MARCHF3: variants seen among roughly 807,000 people sequenced by gnomAD.
MARCHF3 encodes the protein E3 ubiquitin-protein ligase MARCHF3.
In MARCHF3, 13 loss-of-function variants were observed where a neutral mutation model predicts 24.2. The observed-to-expected ratio is 0.54, with a 90% CI of 0.35 to 0.85. The LOEUF (loss-of-function observed/expected upper bound fraction) is 0.85, where lower values mean the gene tolerates loss of function less well. Ranked by LOEUF, MARCHF3 falls within the 40% of genes least tolerant of loss-of-function variation. The probability of loss-of-function intolerance (pLI) is 0.01; values close to 1 mark genes in which losing one functional copy is unlikely to be tolerated. For synonymous variants in MARCHF3, 144 were observed against 137.3 expected (o/e 1.05, Z -0.34); for missense variants, 276 against 325.0 (o/e 0.85, Z 1.16).
At chr5:126,873,156 G>A (rs975135759) in intron 4 of MARCHF3, among the ~76,000 whole-genome samples, 13 of 152,106 alleles carry the variant, frequency 8.5e-5, no homozygotes, top group African/African-American at 2.7e-4. Flanking sequence ...CGCAGGCTCC[G>A]GAGCCAGGCA....
intron 3 of MARCHF3, among the ~76,000 whole-genome samples, chr5:126,892,782 A>G (rs1227207743): frequency 1.4e-5 from 2 of 143,864 alleles, no homozygotes; most frequent in Non-Finnish European, 2.9e-5. Flanking sequence ...TGGCTTTCGT[A>G]TCAGAATGAT....
chr5:127,016,238 A>G (rs1474127414), intron 1 of MARCHF3, among the ~76,000 whole-genome samples: 1 of 152,194 alleles, frequency 6.6e-6, no homozygotes, highest in Non-Finnish European at 1.5e-5. Flanking sequence ...CCCTGCAGAC[A>G]AGGGTGAACT....
intron 1 of MARCHF3, among the ~76,000 whole-genome samples, chr5:127,012,367 A>G (rs1752499578): frequency 6.6e-6 from 1 of 152,226 alleles, no homozygotes; most frequent in Non-Finnish European, 1.5e-5. Flanking sequence ...TGAAAATGCC[A>G]CATTATGTCA....
At chr5:126,941,774 T>C (rs776424920) in intron 1 of MARCHF3, among the ~76,000 whole-genome samples, 14 of 152,226 alleles carry the variant, frequency 9.2e-5, no homozygotes, top group African/African-American at 2.9e-4. Flanking sequence ...CCTGACCCCA[T>C]TGCCACTGTT....
intron 1 of MARCHF3, among the ~76,000 whole-genome samples, chr5:126,921,609 T>G (rs762637816): frequency 1.4e-4 from 21 of 152,250 alleles, no homozygotes; most frequent in Middle Eastern, 3.2e-3. Flanking sequence ...TATTGAGCTT[T>G]CTGCAAAATT....
At chr5:126,897,629 G>C (rs1256643345) in intron 3 of MARCHF3, among the ~76,000 whole-genome samples, 2 of 152,000 alleles carry the variant, frequency 1.3e-5, no homozygotes, top group African/African-American at 4.8e-5. Flanking sequence ...CATAAAAGAA[G>C]AAAGTAAAAG....
intron 1 of MARCHF3, among the ~76,000 whole-genome samples, chr5:126,934,729 A>G (rs1419264601): frequency 6.6e-6 from 1 of 152,240 alleles, no homozygotes; most frequent in East Asian, 1.9e-4. Context: ...GGAAGAAAGA[A>G]AAAGAAAAAA....
intron 3 of MARCHF3, chr5:126,898,852 TGA>T (rs1754013191): frequency 1.0e-6 from 1 of 984,310 alleles, no homozygotes; most frequent in African/African-American, 1.8e-5. Context: ...GAAGCAATGA[TGA>T]AATAATGAGT....
At chr5:126,899,940 C>T (rs1489128729) in intron 3 of MARCHF3, among the ~76,000 whole-genome samples, 1 of 152,106 alleles carries the variant, frequency 6.6e-6, no homozygotes, top group Admixed American at 6.6e-5. Context: ...AAGCTCATGC[C>T]TTACATTAGA....
At chr5:127,003,857 C>T (rs1176920713) in intron 1 of MARCHF3, among the ~76,000 whole-genome samples, 1 of 152,224 alleles carries the variant, frequency 6.6e-6, no homozygotes, top group Non-Finnish European at 1.5e-5. Flanking sequence ...CACATTTGCA[C>T]ACACATGTGC....
intron 3 of MARCHF3, 56 bp from the exon 4 acceptor site, chr5:126,878,450 G>C: frequency 6.6e-7 from 1 of 1,515,628 alleles, no homozygotes; most frequent in Non-Finnish European, 9.0e-7. Context: ...TGCCAGTGTG[G>C]AGTGGAGACA....
chr5:126,876,943 CCCAG>C, intron 4 of MARCHF3, among the ~76,000 whole-genome samples: 2 of 152,306 alleles, frequency 1.3e-5, no homozygotes, highest in Middle Eastern at 6.8e-3. Flanking sequence ...AGCCACCGCG[CCCAG>C]CTGGAAGCGT....
At chr5:126,982,882 G>T (rs546023036) in intron 1 of MARCHF3, among the ~76,000 whole-genome samples, 4 of 152,338 alleles carry the variant, frequency 2.6e-5, no homozygotes, top group African/African-American at 4.8e-5. Context: ...TAATGTGGTT[G>T]TCTCCCACAA....
intron 1 of MARCHF3, among the ~76,000 whole-genome samples, chr5:127,018,805 T>A (rs1752706805): frequency 6.6e-6 from 1 of 152,198 alleles, no homozygotes; most frequent in Non-Finnish European, 1.5e-5. Context: ...GAGAGCAAGA[T>A]GAACCTGAGT....
intron 1 of MARCHF3, among the ~76,000 whole-genome samples, chr5:126,956,764 C>T (rs1750463166): frequency 6.6e-6 from 1 of 151,836 alleles, no homozygotes; most frequent in African/African-American, 2.4e-5. Flanking sequence ...TCCCAATCCA[C>T]TTTCCACTAA....
chr5:127,004,927 C>G (rs1361421873), intron 1 of MARCHF3, among the ~76,000 whole-genome samples: 3 of 151,936 alleles, frequency 2.0e-5, no homozygotes, highest in Non-Finnish European at 4.4e-5. Flanking sequence ...AGCACAATGC[C>G]CTCACACAGC....
At chr5:126,927,093 A>G (rs981745982) in intron 1 of MARCHF3, among the ~76,000 whole-genome samples, 1 of 152,210 alleles carries the variant, frequency 6.6e-6, no homozygotes, top group Admixed American at 6.5e-5. Flanking sequence ...CCTTGGCCTT[A>G]GACATGGCTT....
At chr5:126,979,247 G>T (rs745353928) in intron 1 of MARCHF3, among the ~76,000 whole-genome samples, 29 of 152,182 alleles carry the variant, frequency 1.9e-4, no homozygotes, top group Non-Finnish European at 3.5e-4. Context: ...TTAGGACATG[G>T]ACCACATGTT....
chr5:126,889,138 C>A (rs1753592700), intron 3 of MARCHF3, among the ~76,000 whole-genome samples: 1 of 152,016 alleles, frequency 6.6e-6, no homozygotes, highest in South Asian at 2.1e-4. Flanking sequence ...CTTACTGGCC[C>A]CCAGACTGGA....
Sources: allele counts gnomAD v4.1 joint callset (sites outside exome capture counted in the v4.1 genomes callset), GRCh38; gene constraint gnomAD v4.1.1; transcripts MANE v1.5; gene names NCBI Gene and HGNC (gene_info 2026-07-23, HGNC 2026-07-21).